The following LRFN2 variants were observed in gnomAD, a reference collection of about 807,000 sequenced individuals.
The protein encoded by LRFN2 is leucine-rich repeat and fibronectin type-III domain-containing protein 2.
LRFN2 carries 18 observed loss-of-function variants against 37.3 expected under a neutral mutation model. The ratio of observed to expected loss-of-function variants is 0.48; its 90% CI spans 0.33 to 0.72. The LOEUF is 0.72. Among genes scored for constraint, LRFN2 ranks in the 30% least tolerant of loss-of-function variants. The probability of loss-of-function intolerance (pLI) is 0.02; values close to 1 mark genes in which losing one functional copy is unlikely to be tolerated. For missense variants in LRFN2, 1,006 were observed against 1,060.7 expected, an observed-to-expected ratio of 0.95 and a Z score of 0.72; for synonymous variants, 556 against 466.6, an observed-to-expected ratio of 1.19 and a Z score of -2.47.
At chr6:40,485,474 T>G (rs1561874388) in intron 1 of LRFN2, among the ~76,000 whole-genome samples, 1 of 152,136 alleles carries the variant, frequency 6.6e-6, no homozygotes, top group African/African-American at 2.4e-5. Context: ...CATTAGAAAT[T>G]TACTCAATAT....
At chr6:40,545,539 G>A (rs1020066209) in intron 1 of LRFN2, among the ~76,000 whole-genome samples, 64 of 152,222 alleles carry the variant, frequency 4.2e-4, no homozygotes, top group African/African-American at 1.4e-3. Flanking sequence ...GTTACTGCCT[G>A]CAGTGGAGTG....
chr6:40,456,955 A>T (rs771039762), intron 1 of LRFN2, among the ~76,000 whole-genome samples: 10 of 152,078 alleles, frequency 6.6e-5, no homozygotes, highest in Non-Finnish European at 1.3e-4. Flanking sequence ...CCAGGAACAC[A>T]CCAACCACGC....
chr6:40,422,072 G>A (rs1458408682), intron 2 of LRFN2, among the ~76,000 whole-genome samples: 3 of 152,090 alleles, frequency 2.0e-5, no homozygotes. Flanking sequence ...CTCAGCTGAG[G>A]GGTAAAAAAA....
At chr6:40,519,720 G>A (rs139866750) in intron 1 of LRFN2, among the ~76,000 whole-genome samples, 21 of 152,334 alleles carry the variant, frequency 1.4e-4, no homozygotes, top group African/African-American at 3.6e-4. Context: ...AAGTGCTGAC[G>A]AATACAACAG....
intron 1 of LRFN2, among the ~76,000 whole-genome samples, chr6:40,470,382 C>G (rs895330556): frequency 6.6e-6 from 1 of 152,186 alleles, no homozygotes; most frequent in Non-Finnish European, 1.5e-5. Flanking sequence ...GAGGCCAAAG[C>G]GAGCAGATCA....
intron 1 of LRFN2, among the ~76,000 whole-genome samples, chr6:40,494,027 A>C (rs1250482429): frequency 6.6e-6 from 1 of 152,240 alleles, no homozygotes; most frequent in Non-Finnish European, 1.5e-5. Flanking sequence ...CCCTAGGGAC[A>C]GTCAGAGAGG....
At chr6:40,556,017 A>T (rs1222977664) in intron 1 of LRFN2, among the ~76,000 whole-genome samples, 5 of 152,186 alleles carry the variant, frequency 3.3e-5, no homozygotes, top group African/African-American at 1.2e-4. Context: ...ATACAGGGAG[A>T]ATGCACTCTG....
At chr6:40,468,428 GAGAGCAATCATTCCTTTGGGGA>G (rs1764521165) in intron 1 of LRFN2, among the ~76,000 whole-genome samples, 1 of 152,184 alleles carries the variant, frequency 6.6e-6, no homozygotes, top group Non-Finnish European at 1.5e-5. Flanking sequence ...AGGAATCAGT[GAGAGCAATCATTCCTTTGGGGA>G]AGAAGGGGTG....
At chr6:40,534,701 C>T (rs182446822) in intron 1 of LRFN2, among the ~76,000 whole-genome samples, 6 of 152,234 alleles carry the variant, frequency 3.9e-5, no homozygotes, top group Admixed American at 2.0e-4. Context: ...TTATTGTTGG[C>T]GCTCATTCCT....
intron 1 of LRFN2, among the ~76,000 whole-genome samples, chr6:40,447,024 C>T (rs551142827): frequency 6.6e-6 from 1 of 151,692 alleles, no homozygotes; most frequent in South Asian, 2.1e-4. Flanking sequence ...GGCTGCGTCT[C>T]CCCTCAGACT....
chr6:40,575,815 T>C (rs1346023515), intron 1 of LRFN2, among the ~76,000 whole-genome samples: 2 of 151,982 alleles, frequency 1.3e-5, no homozygotes, highest in East Asian at 3.9e-4. Context: ...ATCCAGCTAA[T>C]CCAAAGTTGA....
chr6:40,571,292 A>G (rs1301681603), intron 1 of LRFN2, among the ~76,000 whole-genome samples: 1 of 152,226 alleles, frequency 6.6e-6, no homozygotes, highest in Non-Finnish European at 1.5e-5. Flanking sequence ...GGAATCATGC[A>G]AGGCTGGTTA....
chr6:40,497,083 A>G (rs1765245830), intron 1 of LRFN2, among the ~76,000 whole-genome samples: 1 of 152,202 alleles, frequency 6.6e-6, no homozygotes, highest in African/African-American at 2.4e-5. Flanking sequence ...CAAAACAGGC[A>G]TGCAGCTGGG....
intron 1 of LRFN2, among the ~76,000 whole-genome samples, chr6:40,529,914 G>A (rs923247382): frequency 2.0e-5 from 3 of 152,180 alleles, no homozygotes; most frequent in Non-Finnish European, 4.4e-5. Context: ...AAGGATTCTT[G>A]TTTTTAAACG....
chr6:40,450,029 A>G (rs116788097), intron 1 of LRFN2, among the ~76,000 whole-genome samples: 5,145 of 152,332 alleles, frequency 0.034, 155 homozygotes, highest in East Asian at 0.08. Flanking sequence ...TGGATACAGT[A>G]GGCAGAAGGA....
intron 1 of LRFN2, among the ~76,000 whole-genome samples, chr6:40,434,747 G>A (rs986387817): frequency 9.2e-5 from 14 of 151,448 alleles, no homozygotes; most frequent in African/African-American, 3.2e-4. Context: ...CAAAGTGCTG[G>A]GATTACAAGC....
intron 1 of LRFN2, among the ~76,000 whole-genome samples, chr6:40,536,653 T>G (rs921912356): frequency 6.6e-6 from 1 of 151,894 alleles, no homozygotes; most frequent in African/African-American, 2.4e-5. Context: ...TCCCGCAGAG[T>G]GCTGGGAGAG....
chr6:40,473,731 C>T (rs1764653437), intron 1 of LRFN2, among the ~76,000 whole-genome samples: 1 of 152,134 alleles, frequency 6.6e-6, no homozygotes, highest in African/African-American at 2.4e-5. Context: ...CTCTCCCTCC[C>T]CTTGCCCCAC....
intron 1 of LRFN2, among the ~76,000 whole-genome samples, chr6:40,577,100 T>TCTCTTCTCTTCTCTTCTC (rs1561913888): frequency 2.5e-5 from 3 of 119,472 alleles, no homozygotes; most frequent in Admixed American, 8.1e-5. Flanking sequence ...TTTCTTTTCT[T>TCTCTTCTCTTCTCTTCTC]TTCCTTTCTT....
Sources: allele counts gnomAD v4.1 joint callset (sites outside exome capture counted in the v4.1 genomes callset), GRCh38; gene constraint gnomAD v4.1.1; transcripts MANE v1.5; gene names NCBI Gene and HGNC (gene_info 2026-07-23, HGNC 2026-07-21).